The following CNIH3 variants were observed in gnomAD, a reference collection of about 807,000 sequenced individuals.
CNIH3 encodes protein cornichon homolog 3.
Under a neutral mutation model 24.1 loss-of-function variants are expected in CNIH3, and 14 were observed. The observed-to-expected ratio is 0.58, with a 90% CI of 0.38 to 0.91. CNIH3 has a LOEUF of 0.91. Among genes scored for constraint, CNIH3 ranks in the 40% least tolerant of loss-of-function variants. CNIH3 has a pLI of 0.00. For synonymous variants in CNIH3, 68 were observed against 73.8 expected, an observed-to-expected ratio of 0.92 and a Z score of 0.40; for missense variants, 178 against 196.8, an observed-to-expected ratio of 0.90 and a Z score of 0.57.
At chr1:224,479,570 G>T (rs1360782861) in intron 1 of CNIH3, among the ~76,000 whole-genome samples, 1 of 152,218 alleles carries the variant, frequency 6.6e-6, no homozygotes, top group Non-Finnish European at 1.5e-5. Context: ...AAGCAAGTTA[G>T]TTCCTAATTA....
intron 3 of CNIH3, among the ~76,000 whole-genome samples, chr1:224,697,057 A>G (rs1180027404): frequency 6.6e-6 from 1 of 152,232 alleles, no homozygotes; most frequent in East Asian, 1.9e-4. Flanking sequence ...GAGACTGGCA[A>G]CCACAAATAC....
rs544588378 is a variant in CNIH3, at chr1:224,486,551, A to G, written n.204-29190A>G. ...CTAAGTTTTTTTCCTGTATACACACATACACTTATATGCCTATATATACAT... is the reference window on the plus strand; with the variant it reads ...CTAAGTTTTTTTCCTGTATACACACGTACACTTATATGCCTATATATACAT... On this transcript the variant is annotated intron_variant and non_coding_transcript_variant, in intron 1 of 5. Transcript: ENST00000471578. Among the ~76,000 whole-genome samples the G allele has an allele frequency of 4.6e-5, 7 of 152,272 alleles. No homozygotes were observed. In the South Asian group the frequency reaches 1.5e-3, roughly 32 times the overall value.
At position 224,739,743 on chromosome 1, in the gene CNIH3, A is replaced by G. The variant is rs142139643; in HGVS notation, c.*387A>G. ...TCCTGGGAGCGGAGGCTGGAAGGCC[A>G]CAAGGTGCTTGCTAAGGAACAGAAT... On this transcript the variant is annotated 3_prime_UTR_variant, in exon 6 of 6. Coordinates refer to ENST00000272133, the MANE Select transcript of CNIH3 (RefSeq NM_152495.2). The G allele has an allele frequency of 4.2e-3, 1,012 of 238,670 alleles. 5 individuals are homozygous for G. The highest frequency in any genetic ancestry group is 0.021 in the South Asian group (222 of 10,376). The allele number at this position is 238,670 out of a possible 1,614,324, so 14.8% of individuals were successfully genotyped here.
chr1:224,653,000 A>T (rs1035692365), intron 1 of CNIH3, among the ~76,000 whole-genome samples: 1 of 152,228 alleles, frequency 6.6e-6, no homozygotes, highest in African/African-American at 2.4e-5. Context: ...GGCCAGCTGG[A>T]GGAAGGGGGC....
chr1:224,610,523 T>C (rs1284430693), intron 3 of CNIH3, among the ~76,000 whole-genome samples: 1 of 152,228 alleles, frequency 6.6e-6, no homozygotes, highest in African/African-American at 2.4e-5. Context: ...CGTTGCCTTC[T>C]GCTGTGATTG....
At chr1:224,493,669 G>A (rs1677323569) in intron 1 of CNIH3, among the ~76,000 whole-genome samples, 2 of 152,168 alleles carry the variant, frequency 1.3e-5, no homozygotes, top group Admixed American at 1.3e-4. Context: ...GGGATGATTT[G>A]CTTTTACCAT....
Position 224,571,829 on chromosome 1 carries a change from G to A in CNIH3, n.516+5565G>A, listed in dbSNP as rs568594398. Reference sequence around the variant, plus strand: ...GGGTGGAAAGCAAAAGAGAGAGGGTGAGGGAGGGACCTGAGGGCCAAAGCC... The same window carrying A: ...GGGTGGAAAGCAAAAGAGAGAGGGTAAGGGAGGGACCTGAGGGCCAAAGCC... On this transcript the variant is annotated intron_variant and non_coding_transcript_variant, in intron 4 of 5. Coordinates refer to the CNIH3 transcript ENST00000471578. Among the ~76,000 whole-genome samples, 47 of 152,282 alleles carry A rather than the reference G, an allele frequency of 3.1e-4. 1 individual carries two copies. The South Asian group carries it at 9.3e-3, about 30-fold the overall frequency.
intron 1 of CNIH3, among the ~76,000 whole-genome samples, chr1:224,664,043 T>C (rs1453300486): frequency 6.6e-6 from 1 of 152,140 alleles, no homozygotes; most frequent in Non-Finnish European, 1.5e-5. Context: ...GAAAGCTTTA[T>C]TTGGGTGATG....
At chr1:224,695,534 A>G (rs16852032) in intron 3 of CNIH3, among the ~76,000 whole-genome samples, 9,291 of 152,212 alleles carry the variant, frequency 0.061, 360 homozygotes, top group East Asian at 0.14. Flanking sequence ...GAGTTGGGTG[A>G]AATTATCTGC....
chr1:224,657,215 G>A (rs1685139035), intron 1 of CNIH3, among the ~76,000 whole-genome samples: 1 of 151,998 alleles, frequency 6.6e-6, no homozygotes, highest in Non-Finnish European at 1.5e-5. Flanking sequence ...AACATTCTAG[G>A]CCAGACAGGA....
In CNIH3 at chr1:224,739,672, TC is replaced by T. The variant is rs1689776723; in HGVS notation, c.*318del. ...CCTCTCCTGAGAGAGAATTGCTGCTTCCTGAATCCACTTCATTGAACAGCAC... is the reference window on the plus strand; with the variant it reads ...CCTCTCCTGAGAGAGAATTGCTGCTTCTGAATCCACTTCATTGAACAGCAC... On this transcript the variant is annotated 3_prime_UTR_variant, in exon 6 of 6. Transcript: ENST00000272133. 2.2e-6 allele frequency: 1 copy of T among 449,206 alleles called. No homozygotes were observed. The highest frequency in any genetic ancestry group is 2.0e-5 in the African/African-American group (1 of 49,074). The allele number at this position is 449,206 out of a possible 1,614,324, so 27.8% of individuals were successfully genotyped here.
chr1:224,661,621 A>G, intron 1 of CNIH3: 1 of 330,836 alleles, frequency 3.0e-6, no homozygotes, highest in Non-Finnish European at 5.8e-6. Flanking sequence ...AAATGTGATG[A>G]CAAACTCAAA....
chr1:224,738,861 G>A (rs566438506), intron 5 of CNIH3, among the ~76,000 whole-genome samples: 11 of 152,156 alleles, frequency 7.2e-5, no homozygotes, highest in South Asian at 2.1e-4. Flanking sequence ...ATGTTCCCAC[G>A]CTGGCCTTTG....
At chr1:224,564,424 T>A (rs930296182) in intron 3 of CNIH3, among the ~76,000 whole-genome samples, 8 of 152,252 alleles carry the variant, frequency 5.3e-5, no homozygotes, top group Admixed American at 3.3e-4. Context: ...CAGAAGAGGC[T>A]AAGGCCATCC....
intron 1 of CNIH3, among the ~76,000 whole-genome samples, chr1:224,636,763 G>A (rs527743816): frequency 2.0e-5 from 3 of 152,172 alleles, no homozygotes; most frequent in South Asian, 2.1e-4. Context: ...GGAGAAAGAC[G>A]TTGATTGAAT....
chr1:224,732,746 C>T (rs556134006), intron 4 of CNIH3, among the ~76,000 whole-genome samples: 1 of 152,280 alleles, frequency 6.6e-6, no homozygotes, highest in East Asian at 1.9e-4. Flanking sequence ...GATCAGGGCA[C>T]TGCTTCGTGG....
intron 1 of CNIH3, among the ~76,000 whole-genome samples, chr1:224,437,340 T>A (rs1038299434): frequency 6.6e-6 from 1 of 152,218 alleles, no homozygotes; most frequent in Non-Finnish European, 1.5e-5. Flanking sequence ...ATTTGACCCA[T>A]CTTGTGTTAG....
chr1:224,680,903 C>A, intron 1 of CNIH3, 55 bp from the exon 2 acceptor site: 1 of 1,314,194 alleles, frequency 7.6e-7, no homozygotes, highest in Non-Finnish European at 1.1e-6. Flanking sequence ...AAGCTTTGGA[C>A]ATGGTGTGTT....
chr1:224,442,717 T>C (rs1674972965), intron 1 of CNIH3, among the ~76,000 whole-genome samples: 1 of 152,186 alleles, frequency 6.6e-6, no homozygotes, highest in Non-Finnish European at 1.5e-5. Context: ...ATTTTACAGG[T>C]GAGAAACTGA....
Sources: gnomAD v4.1 joint callset for allele counts (sites outside exome capture counted in the v4.1 genomes callset) on GRCh38, gnomAD v4.1.1 for gene constraint, MANE v1.5 for transcripts, NCBI Gene and HGNC (gene_info 2026-07-23, HGNC 2026-07-21) for gene names.